The following UBE2V2 variants were observed in gnomAD, a reference collection of about 807,000 sequenced individuals.
The protein encoded by UBE2V2 is ubiquitin-conjugating enzyme E2 variant 2.
A neutral mutation model predicts 17.2 loss-of-function variants in UBE2V2; 9 were observed. That is an observed-to-expected ratio of 0.52 (90% CI 0.32 to 0.91). UBE2V2 has a LOEUF of 0.91. UBE2V2 is among the 40% of genes least tolerant of loss of function. The probability of loss-of-function intolerance (pLI) is 0.04; values close to 1 mark genes in which losing one functional copy is unlikely to be tolerated. For missense variants in UBE2V2, 133 were observed against 182.6 expected (o/e 0.73, Z 1.56); for synonymous variants, 61 against 57.5 (o/e 1.06, Z -0.28).
At chr8:48,012,398 T>C (rs913209662) in intron 1 of UBE2V2, among the ~76,000 whole-genome samples, 1 of 152,162 alleles carries the variant, frequency 6.6e-6, no homozygotes, top group Admixed American at 6.5e-5. Context: ...GATTCCAGCA[T>C]TAATAATAAC....
At chr8:48,007,662 G>T (rs1274753527), upstream of UBE2V2, among the ~76,000 whole-genome samples, 1 of 146,220 alleles carries the variant, frequency 6.8e-6, no homozygotes, top group African/African-American at 2.6e-5. Flanking sequence ...CCATCCTCCT[G>T]CCTCAGCCTC....
At chr8:48,009,393 G>A (rs185868133) in intron 1 of UBE2V2, among the ~76,000 whole-genome samples, 1 of 151,430 alleles carries the variant, frequency 6.6e-6, no homozygotes, top group Non-Finnish European at 1.5e-5. Context: ...AGCCTCCCAA[G>A]TAGCTGGGAT....
At chr8:48,030,833 C>T (rs1183418900) in intron 1 of UBE2V2, among the ~76,000 whole-genome samples, 1 of 151,914 alleles carries the variant, frequency 6.6e-6, no homozygotes, top group Non-Finnish European at 1.5e-5. Flanking sequence ...ACCAGCTTGG[C>T]CAACACGGTG....
rs2091201644 is a variant in UBE2V2 at position 48,008,476 on chromosome 8, T to G, written c.16+6T>G. ...GAAGATGGCGGTCTCCACAGGTCGG[T>G]TCCCGGGCCGGGCTGCGTGATTTTC... On this transcript the variant is annotated splice_donor_region_variant and intron_variant, in intron 1 of 3. Transcript: ENST00000523111. The G allele has an allele frequency of 6.4e-7, 1 of 1,566,440 alleles. No homozygotes were observed. Among genetic ancestry groups the G allele is most frequent in the South Asian group, 1.1e-5 (1 of 86,998 alleles).
At chr8:48,058,649 G>A (rs2091588878) in intron 3 of UBE2V2, among the ~76,000 whole-genome samples, 1 of 151,758 alleles carries the variant, frequency 6.6e-6, no homozygotes, top group Non-Finnish European at 1.5e-5. Flanking sequence ...ATCTTAGGAG[G>A]AAAGTATTTG....
At chr8:48,025,911 A>C (rs995251603) in intron 1 of UBE2V2, among the ~76,000 whole-genome samples, 1 of 151,896 alleles carries the variant, frequency 6.6e-6, no homozygotes, top group Non-Finnish European at 1.5e-5. Context: ...TGGATTTTCT[A>C]TCTGAGGTTT....
At position 48,040,411 on chromosome 8, in the gene UBE2V2, T is replaced by C. The variant is rs45557333; in HGVS notation, c.17-2622T>C. Among the ~76,000 whole-genome samples the C allele has an allele frequency of 4.6e-4, 70 of 152,354 alleles. No individual in the cohort carries two copies. The East Asian group carries it at 0.013, about 29-fold the overall frequency. On this transcript the variant is annotated intron_variant, in intron 1 of 3. Transcript: ENST00000523111. The stretch of plus-strand genomic sequence containing the variant: ...AAAATAATGATAATAATATTTTTCC[T>C]GATACCAAGATTGCATTTGGTTGTC...
At chr8:48,029,396 A>G (rs1044783384) in intron 1 of UBE2V2, among the ~76,000 whole-genome samples, 2 of 152,162 alleles carry the variant, frequency 1.3e-5, no homozygotes, top group East Asian at 3.8e-4. Flanking sequence ...TAAAATATAA[A>G]TGAATAAAAA....
intron 1 of UBE2V2, 79 bp downstream of exon 1, chr8:48,008,549 C>T (rs2154506519): frequency 2.0e-6 from 3 of 1,499,348 alleles, no homozygotes; most frequent in Non-Finnish European, 2.7e-6. Context: ...CGCCCGAGCG[C>T]TGACCGTGCG....
chr8:48,007,807 T>G (rs1266189726), upstream of UBE2V2, among the ~76,000 whole-genome samples: 1 of 151,912 alleles, frequency 6.6e-6, no homozygotes, highest in Non-Finnish European at 1.5e-5. Flanking sequence ...TTCTGCTCAC[T>G]GCAGCCTCAC....
rs1039197869 is a variant in UBE2V2 at position 48,017,221 on chromosome 8, A to G, written c.16+8751A>G. ...TTTCATATACCTCTTGGCCATTTGTATGTCTTTTGAGAAATGTCTATTCAG... is the reference window on the plus strand; with the variant it reads ...TTTCATATACCTCTTGGCCATTTGTGTGTCTTTTGAGAAATGTCTATTCAG... On this transcript the variant is annotated intron_variant, in intron 1 of 3. Transcript: ENST00000523111. 3.3e-5 allele frequency among the ~76,000 whole-genome samples: 5 copies of G among 151,564 alleles called. No homozygotes were observed. In the East Asian group the frequency reaches 9.7e-4, roughly 29 times the overall value.
chr8:48,004,986 C>A (rs540513865), upstream of UBE2V2, among the ~76,000 whole-genome samples: 7 of 151,274 alleles, frequency 4.6e-5, no homozygotes, highest in South Asian at 1.5e-3. Flanking sequence ...AACCAGAATG[C>A]CAGCTTTTTT....
In UBE2V2 at chr8:48,060,869, T is replaced by C; in HGVS notation, c.*41T>C. 1 of 1,445,416 alleles carries C rather than the reference T, an allele frequency of 6.9e-7. No individual in the cohort carries two copies. Among genetic ancestry groups the C allele is most frequent in the Non-Finnish European group, 9.1e-7 (1 of 1,093,788 alleles). 89.5% of individuals were successfully genotyped at this position (1,445,416 alleles called of 1,614,324 possible). A position where few individuals can be genotyped will look rare whatever the true frequency, so the allele number is the denominator to read the frequency against. The stretch of plus-strand genomic sequence containing the variant: ...AACTTGTCTTAAATCAACAACCTTC[T>C]ACTCATGTTAATGTCTTGATTAAAT... On this transcript the variant is annotated 3_prime_UTR_variant, in exon 4 of 4. Transcript: ENST00000523111.
intron 2 of UBE2V2, among the ~76,000 whole-genome samples, chr8:48,047,874 A>C (rs2091509973): frequency 6.6e-6 from 1 of 152,194 alleles, no homozygotes; most frequent in African/African-American, 2.4e-5. Flanking sequence ...TAGAGGGGAT[A>C]AAATCAAAGG....
Position 48,036,778 on chromosome 8 carries a change from C to T in UBE2V2, c.17-6255C>T, listed in dbSNP as rs2154507528. ...ATTGATGTTGATACATAATATTTTACATATTTTGTGGGGGTACATGTGATC... is the reference window on the plus strand; with the variant it reads ...ATTGATGTTGATACATAATATTTTATATATTTTGTGGGGGTACATGTGATC... On this transcript the variant is annotated intron_variant, in intron 1 of 3. Transcript: ENST00000523111. Among the ~76,000 whole-genome samples, 4 of 152,040 alleles carry T rather than the reference C, an allele frequency of 2.6e-5. 1 individual carries two copies. In the South Asian group the frequency reaches 8.3e-4, roughly 32 times the overall value.
At chr8:48,029,672 CATCTGCTACCTAA>C (rs2091369889) in intron 1 of UBE2V2, among the ~76,000 whole-genome samples, 1 of 152,212 alleles carries the variant, frequency 6.6e-6, no homozygotes, top group Admixed American at 6.5e-5. Context: ...ATGCCATTGT[CATCTGCTACCTAA>C]ATTATTGATT....
chr8:48,049,907 C>G lies in UBE2V2; in HGVS notation c.220C>G (p.Pro74Ala). 6.3e-7 allele frequency: 1 copy of G among 1,585,966 alleles called. No homozygotes were observed. The highest frequency in any genetic ancestry group is 8.5e-7 in the Non-Finnish European group (1 of 1,170,380). The change falls in exon 3 of 4, where the codon CCA (proline) becomes GCA (alanine). Residue 74 changes from proline (P) to alanine (A), a missense_variant. Pro to Ala is a conservative substitution (Grantham distance 27). Transcript: ENST00000523111. Reference sequence around the variant, plus strand: ...GAAAGTAGAATGTGGACCTAAATACCCAGAAGCTCCTCCGTCAGTTAGATT... The same window carrying G: ...GAAAGTAGAATGTGGACCTAAATACGCAGAAGCTCCTCCGTCAGTTAGATT... ...SLKVECGPKYPEAPPSVRFVT... is the reference protein window; with the variant it reads ...SLKVECGPKYAEAPPSVRFVT...
chr8:48,025,596 T>G (rs1013468130), intron 1 of UBE2V2, among the ~76,000 whole-genome samples: 5 of 149,640 alleles, frequency 3.3e-5, no homozygotes, highest in Admixed American at 1.3e-4. Context: ...GATTTTCTTT[T>G]TTTTTTCTTT....
intron 3 of UBE2V2, among the ~76,000 whole-genome samples, chr8:48,056,288 A>G (rs1563860985): frequency 6.6e-6 from 1 of 152,158 alleles, no homozygotes; most frequent in Non-Finnish European, 1.5e-5. Flanking sequence ...ACTTTTGGCT[A>G]TCATGAATAC....
Sources: gnomAD v4.1 joint callset for allele counts (sites outside exome capture counted in the v4.1 genomes callset) on GRCh38, gnomAD v4.1.1 for gene constraint, MANE v1.5 for transcripts, NCBI Gene and HGNC (gene_info 2026-07-23, HGNC 2026-07-21) for gene names.